TAF6: variants seen among roughly 807,000 people sequenced by gnomAD.
The protein encoded by TAF6 is TATA-box binding protein associated factor 6, also known as transcription initiation factor TFIID subunit 6.
Under a neutral mutation model 73.5 loss-of-function variants are expected in TAF6, and 50 were observed. The ratio of observed to expected loss-of-function variants is 0.68; its 90% confidence interval spans 0.54 to 0.86. The LOEUF (loss-of-function observed/expected upper bound fraction) is 0.86. Ranked by LOEUF, TAF6 falls within the 40% of genes least tolerant of loss-of-function variation. The pLI is 0.00. For synonymous variants in TAF6, 424 were observed against 376.7 expected (o/e 1.13, Z -1.45); for missense variants, 768 against 899.5 (o/e 0.85, Z 1.87).
In TAF6 at chr7:100,109,665, G is replaced by T. The variant is rs879279884; in HGVS notation, c.1284+283C>A. 7.6e-5 allele frequency among the ~76,000 whole-genome samples: 11 copies of T among 145,148 alleles called. 1 individual carries two copies. In the South Asian group the frequency reaches 8.8e-4, roughly 12 times the overall value. ...ACACGTCACCACTCCCGGCTTTTTG[G>T]TTTTTTTTTTTGCAGGTGGGATCTC... On this transcript the variant is annotated intron_variant, in intron 12 of 14. Coordinates refer to ENST00000453269, the MANE Select transcript of TAF6 (RefSeq NM_139315.3).
Position 100,114,088 on chromosome 7 carries a change from T to C in TAF6, c.122A>G (p.Asp41Gly). The change falls in exon 2 of 15, where the codon GAT (aspartate) becomes GGT (glycine). Residue 41 changes from aspartate to glycine, a missense_variant. This residue lies in a region of TAF6 where 269 missense variants were observed against 268.0 expected (regional missense o/e 1.00). Coordinates refer to ENST00000453269, the MANE Select transcript of TAF6 (RefSeq NM_139315.3). ...IQEETCQLLTDEVSYRIKEIA... is the reference protein window; with the variant it reads ...IQEETCQLLTGEVSYRIKEIA... ...CTCTTTGATGCGGTAGCTGACCTCA[T>C]CCGTTAGCAGCTGGCAGGTCTCCTC... 4 of 1,614,152 alleles carry C rather than the reference T, an allele frequency of 2.5e-6. No individual in the cohort carries two copies. Among genetic ancestry groups the C allele is most frequent in the Non-Finnish European group, 3.4e-6 (4 of 1,180,012 alleles).
At chr7:100,117,472 A>G (rs1294220307) in intron 1 of TAF6, among the ~76,000 whole-genome samples, 1 of 151,406 alleles carries the variant, frequency 6.6e-6, no homozygotes, top group Non-Finnish European at 1.5e-5. Context: ...GGGTTTCACC[A>G]TGTTGCTCAG....
chr7:100,107,801 T>C, intron 14 of TAF6, 125 bp downstream of exon 14: 1 of 1,382,428 alleles, frequency 7.2e-7, no homozygotes, highest in Non-Finnish European at 9.7e-7. Flanking sequence ...AGGACCCTGG[T>C]GGGCGCCTCT....
chr7:100,109,984 G>A lies in TAF6; in HGVS notation c.1248C>T (p.Asp416=), dbSNP rs779279960. 3 of 1,614,140 alleles carry A rather than the reference G, an allele frequency of 1.9e-6. No individual in the cohort carries two copies. The highest frequency in any genetic ancestry group is 3.3e-5 in the Admixed American group (2 of 60,006). Residue 416 remains aspartate, a synonymous_variant, in exon 12 of 15, where the codon GAC becomes GAT. Transcript: ENST00000453269. ...TCTGCACATGGTCTGCTCCAATCCGGTCAATGTTGCTCAGCACAGGGCCGT... is the reference window on the plus strand; with the variant it reads ...TCTGCACATGGTCTGCTCCAATCCGATCAATGTTGCTCAGCACAGGGCCGT... ...VLDGPVLSNI[D]RIGADHVQSL...
chr7:100,122,881 TGGA>T, upstream of TAF6: 1 of 1,613,516 alleles, frequency 6.2e-7, no homozygotes, highest in South Asian at 1.1e-5. Flanking sequence ...GAGCCCAGCG[TGGA>T]GGTCACATAC....
At chr7:100,122,216 G>A, upstream of TAF6, 1 of 1,611,060 alleles carries the variant, frequency 6.2e-7, no homozygotes, top group Non-Finnish European at 8.5e-7. Flanking sequence ...TGGCTGGTGT[G>A]TTTGTCTTTT....
chr7:100,122,453 G>C, upstream of TAF6: 1 of 1,614,026 alleles, frequency 6.2e-7, no homozygotes. Flanking sequence ...CAGCATCCAG[G>C]GAATCTTTGT....
At position 100,113,942 on chromosome 7, in the gene TAF6, A is replaced by C. The variant is rs1218465729; in HGVS notation, c.169T>G (p.Phe57Val). 6.2e-6 allele frequency: 10 copies of C among 1,614,002 alleles called. No individual in the cohort carries two copies. The highest frequency in any genetic ancestry group is 8.5e-6 in the Non-Finnish European group (10 of 1,179,994). ...TTCTGCCGCTTCCCCATGTGCATGA[A>C]CTTCAAGGCATCCTGGGGTCGGTGA... ...IKEIAQDALK[F>V]MHMGKRQKLT... The change falls in exon 3 of 15, where the codon TTC (phenylalanine) becomes GTC (valine). Residue 57 changes from phenylalanine to valine, a missense_variant. By Grantham distance (50) the Phe-to-Val change is conservative. Around this residue, in one of 5 missense-constraint regions of TAF6, gnomAD observed 269 missense variants for 268.0 expected, o/e 1.00. Coordinates refer to ENST00000453269, the MANE Select transcript of TAF6 (RefSeq NM_139315.3).
intron 12 of TAF6, among the ~76,000 whole-genome samples, chr7:100,109,656 G>A (rs1456016157): frequency 3.3e-5 from 5 of 151,184 alleles, no homozygotes; most frequent in South Asian, 2.1e-4. Flanking sequence ...CACCACTCCC[G>A]GCTTTTTGGT....
chr7:100,121,779 G>A (rs894350699), upstream of TAF6, among the ~76,000 whole-genome samples: 8 of 151,726 alleles, frequency 5.3e-5, no homozygotes, highest in East Asian at 4.0e-4. Flanking sequence ...GGCCGGGCGT[G>A]GTGGCTCACG....
rs928634204 is a variant in TAF6 at position 100,117,422 on chromosome 7, C to T, written c.-60+1782G>A. ...GCGTAGCTGGGATTACAGGCATGCG[C>T]CACCACACCTGGCTAATTTTTGTAT... On this transcript the variant is annotated intron_variant, in intron 1 of 14. Coordinates refer to ENST00000453269, the MANE Select transcript of TAF6 (RefSeq NM_139315.3). Among the ~76,000 whole-genome samples, 5 of 151,874 alleles carry T rather than the reference C, an allele frequency of 3.3e-5. No homozygotes were observed. In the East Asian group the frequency reaches 1.0e-3, roughly 31 times the overall value.
intron 10 of TAF6, 188 bp from the exon 11 acceptor site, chr7:100,110,462 T>C (rs1365114403): frequency 5.8e-6 from 3 of 520,664 alleles, no homozygotes; most frequent in Non-Finnish European, 3.5e-6. Context: ...AGGTCAGGAG[T>C]TCCAGACCAC....
chr7:100,119,898 G>A (rs375399108), upstream of TAF6: 8 of 1,547,000 alleles, frequency 5.2e-6, no homozygotes, highest in Admixed American at 8.0e-5. Context: ...GGCATCGCCC[G>A]GCCACACCTC....
In TAF6 at chr7:100,113,609, C is replaced by A. The variant is rs1227123900; in HGVS notation, c.397+7G>T. 6.2e-7 allele frequency: 1 copy of A among 1,613,720 alleles called. No individual in the cohort carries two copies. Among genetic ancestry groups the A allele is most frequent in the African/African-American group, 1.3e-5 (1 of 74,910 alleles). ...CTCCCTGCCACCCTGCTCTCCCCTC[C>A]CCCAACCTTTGAGGCAGACGTCCAG... is the stretch of plus-strand genomic sequence containing the variant. On this transcript the variant is annotated splice_region_variant and intron_variant, in intron 4 of 14. Coordinates refer to ENST00000453269, the MANE Select transcript of TAF6 (RefSeq NM_139315.3).
upstream of TAF6, chr7:100,121,116 A>ATATATATATATATATTT (rs1584585316): frequency 1.9e-5 from 1 of 52,778 alleles, no homozygotes; most frequent in Admixed American, 2.8e-4. Context: ...ATATATATAT[A>ATATATATATATATATTT]TTTTTTTTTT....
At position 100,107,561 on chromosome 7, in the gene TAF6, G is replaced by A. The variant is rs1353408974; in HGVS notation, c.1719C>T (p.Thr573=). Reference sequence around the variant, plus strand: ...CGATGGGCTGCACGCTGGGGACGGTGGTGGTGACGGGCGAAGTGGTGGTGG... The same window carrying A: ...CGATGGGCTGCACGCTGGGGACGGTAGTGGTGACGGGCGAAGTGGTGGTGG... ...SGSTTTSPVT[T]TVPSVQPIVK... is the part of the protein sequence containing the mutation. Residue 573 remains threonine (T), a synonymous_variant, in exon 15 of 15, where the codon ACC becomes ACT. Coordinates refer to ENST00000453269, the MANE Select transcript of TAF6 (RefSeq NM_139315.3). 12 of 1,614,014 alleles carry A rather than the reference G, an allele frequency of 7.4e-6. No individual in the cohort carries two copies. Among genetic ancestry groups the A allele is most frequent in the Middle Eastern group, 1.7e-4 (1 of 6,038 alleles).
Position 100,113,905 on chromosome 7 carries a change from C to T in TAF6, c.206G>A (p.Ser69Asn). The change falls in exon 3 of 15, where the codon AGT (serine) becomes AAT (asparagine). Residue 69 changes from serine (S) to asparagine (N), a missense_variant. This residue lies in a region of TAF6 where 269 missense variants were observed against 268.0 expected (regional missense o/e 1.00). Transcript: ENST00000453269. ...HMGKRQKLTTSDIDYALKLKN... is the reference protein window; with the variant it reads ...HMGKRQKLTTNDIDYALKLKN... ...TAGCTTCAAGGCGTAGTCAATGTCA[C>T]TGGTGGTGAGCTTCTGCCGCTTCCC... 6.2e-7 allele frequency: 1 copy of T among 1,613,940 alleles called. No individual in the cohort carries two copies. Among genetic ancestry groups the T allele is most frequent in the Non-Finnish European group, 8.5e-7 (1 of 1,180,014 alleles).
Position 100,109,945 on chromosome 7 carries a change from C to T in TAF6, c.1284+3G>A, listed in dbSNP as rs1015188728. The T allele has an allele frequency of 9.9e-6, 16 of 1,613,878 alleles. No individual in the cohort carries two copies. In the African/African-American group the frequency reaches 1.6e-4, roughly 16 times the overall value. ...CAGGTGTGGGGACAGGGGCTTCAGTCACCAGCAGGAGGCTCTGCACATGGT... is the reference window on the plus strand; with the variant it reads ...CAGGTGTGGGGACAGGGGCTTCAGTTACCAGCAGGAGGCTCTGCACATGGT... On this transcript the variant is annotated splice_donor_region_variant and intron_variant, in intron 12 of 14. Transcript: ENST00000453269.
upstream of TAF6, chr7:100,122,233 C>G (rs1212306314): frequency 1.2e-6 from 2 of 1,613,122 alleles, no homozygotes; most frequent in African/African-American, 2.7e-5. Flanking sequence ...TTTTACCTCC[C>G]CCCGGACGTT....
Sources: allele counts gnomAD v4.1 joint callset (sites outside exome capture counted in the v4.1 genomes callset), GRCh38; gene constraint gnomAD v4.1.1; regional missense constraint gnomAD v4.1.1; transcripts MANE v1.5; gene names NCBI Gene and HGNC (gene_info 2026-07-23, HGNC 2026-07-21).